STAU1: variants seen among roughly 807,000 people sequenced by gnomAD.
STAU1 encodes the protein staufen double-stranded RNA binding protein 1, also known as double-stranded RNA-binding protein Staufen homolog 1.
A neutral mutation model predicts 62.9 loss-of-function variants in STAU1; 13 were observed. The ratio of observed to expected loss-of-function variants is 0.21; its 90% CI spans 0.13 to 0.33. The LOEUF (loss-of-function observed/expected upper bound fraction) is 0.33. STAU1 is among the 10% of genes least tolerant of loss of function. The pLI, the probability that STAU1 is intolerant of heterozygous loss-of-function variation, is 1.00. For synonymous variants in STAU1, 269 were observed against 265.1 expected, an observed-to-expected ratio of 1.01 and a Z score of -0.14; for missense variants, 571 against 712.1, an observed-to-expected ratio of 0.80 and a Z score of 2.25.
intron 2 of STAU1, among the ~76,000 whole-genome samples, chr20:49,167,049 G>C (rs559659800): frequency 1.3e-5 from 2 of 152,262 alleles, no homozygotes; most frequent in South Asian, 2.1e-4. Flanking sequence ...TGGTGTGGTT[G>C]GGTGGGGGAG....
At chr20:49,130,476 C>G (rs890920908) in intron 6 of STAU1, among the ~76,000 whole-genome samples, 1 of 152,092 alleles carries the variant, frequency 6.6e-6, no homozygotes, top group Non-Finnish European at 1.5e-5. Context: ...AGCCTGACCA[C>G]CCCTTCATCC....
At chr20:49,214,540 C>G in the STAU1 span, among the ~76,000 whole-genome samples, 2 of 143,140 alleles carry the variant, frequency 1.4e-5, no homozygotes, top group South Asian at 2.2e-4. Context: ...AAAACAATAA[C>G]AAGAAGAAGA....
At chr20:49,153,578 G>T (rs1342966664) in intron 4 of STAU1, among the ~76,000 whole-genome samples, 2 of 151,132 alleles carry the variant, frequency 1.3e-5, no homozygotes, top group African/African-American at 4.9e-5. Flanking sequence ...AGGCGTGGTG[G>T]CAGGTGCCTG....
chr20:49,194,445 A>G, the STAU1 span, among the ~76,000 whole-genome samples: 64 of 146,276 alleles, frequency 4.4e-4, no homozygotes, highest in East Asian at 2.6e-3. Flanking sequence ...AAAAAAAAAA[A>G]AAGAAAAGAA....
chr20:49,123,291 C>A, intron 7 of STAU1, 56 bp from the exon 8 acceptor site: 2 of 1,612,676 alleles, frequency 1.2e-6, no homozygotes, highest in South Asian at 2.2e-5. Context: ...TGAACTTGGT[C>A]AACTCAGAGA....
rs112718177 is a variant in STAU1, at chr20:49,115,730, CG to C, written c.1718+51del. The C allele has an allele frequency of 2.7e-3, 3,966 of 1,478,218 alleles. 95 individuals carry two copies. The African/African-American group carries it at 0.048, about 18-fold the overall frequency. The allele number at this position is 1,478,218 out of a possible 1,614,324, so 91.6% of individuals were successfully genotyped here. A position where few individuals can be genotyped will look rare whatever the true frequency, so the allele number is the denominator to read the frequency against. On this transcript the variant is annotated intron_variant, in intron 13 of 13. Transcript: ENST00000371856. ...GCAGATAGTGTAAACTCAACACAAA[CG>C]AGGGGCAGCCTCCCCATCATCAGCG...
chr20:49,163,674 C>T (rs1164961904), intron 3 of STAU1, among the ~76,000 whole-genome samples: 1 of 152,206 alleles, frequency 6.6e-6, no homozygotes, highest in Non-Finnish European at 1.5e-5. Flanking sequence ...GATCCACCTG[C>T]CTTGGCCTCC....
rs771366074 is a variant in STAU1 at position 49,151,741 on chromosome 20, A to G, written c.351T>C (p.Phe117=). Residue 117 remains phenylalanine, a synonymous_variant, in exon 5 of 14, where the codon TTT becomes TTC. Coordinates refer to ENST00000371856, the MANE Select transcript of STAU1 (RefSeq NM_017453.4). The part of the protein sequence containing the change: ...MRGGAYPPRY[F]YPFPVPPLLY... ...GTAAAGGTGGAACTGGAAATGGGTA[A>G]AAGTACCTAGAAATAAAAGGAGGTT... 4 of 1,608,786 alleles carry G rather than the reference A, an allele frequency of 2.5e-6. No homozygotes were observed. In the Admixed American group the frequency reaches 6.9e-5, roughly 28 times the overall value.
the STAU1 span, among the ~76,000 whole-genome samples, chr20:49,217,826 G>A: frequency 3.3e-5 from 5 of 150,500 alleles, no homozygotes; most frequent in Admixed American, 6.6e-5. Context: ...TCACCTGGGC[G>A]ACAGAGTGAG....
intron 5 of STAU1, among the ~76,000 whole-genome samples, chr20:49,143,212 T>A (rs1433595595): frequency 6.6e-6 from 1 of 152,212 alleles, no homozygotes; most frequent in Non-Finnish European, 1.5e-5. Context: ...GAAGGTTTAG[T>A]GGGCACTTAG....
chr20:49,219,238 A>G, the STAU1 span: 2 of 1,087,758 alleles, frequency 1.8e-6, no homozygotes, highest in African/African-American at 3.2e-5. Context: ...TTGCTTACCT[A>G]AAAAGCTCCG....
Position 49,123,234 on chromosome 20 carries a change from G to A in STAU1, c.824C>T (p.Pro275Leu). The A allele has an allele frequency of 2.5e-6, 4 of 1,614,156 alleles. No individual in the cohort carries two copies. The highest frequency in any genetic ancestry group is 3.4e-6 in the Non-Finnish European group (4 of 1,180,028). The change falls in exon 8 of 14, where the codon CCA becomes CTA. Residue 275 changes from proline (P) to leucine (L), a missense_variant and splice_region_variant. Transcript: ENST00000371856. ...CTGGCCATATTCTGGGCTTGTCTGT[G>A]GCTGAGGAACAAACAAGGCAGAAAC... is the stretch of plus-strand genomic sequence containing the variant. ...IKKKTKPIVKPQTSPEYGQGI... is the reference protein window; with the variant it reads ...IKKKTKPIVKLQTSPEYGQGI...
chr20:49,116,031 C>T lies in STAU1; in HGVS notation c.1633-164G>A, dbSNP rs1286466227. On this transcript the variant is annotated intron_variant, in intron 12 of 13. Transcript: ENST00000371856. ...AACTTTGAATTTTTAATTTAAAATA[C>T]AAATTAAAAAATATTCAGTTACCTC... 2.0e-5 allele frequency among the ~76,000 whole-genome samples: 3 copies of T among 152,226 alleles called. No homozygotes were observed. The South Asian group carries it at 6.2e-4, about 32-fold the overall frequency.
At chr20:49,182,827 A>C (rs2093742359) in intron 1 of STAU1, among the ~76,000 whole-genome samples, 1 of 150,526 alleles carries the variant, frequency 6.6e-6, no homozygotes, top group Non-Finnish European at 1.5e-5. Context: ...TAACAGAGCC[A>C]GACTCCGTCT....
chr20:49,175,792 T>C (rs2093652550), intron 1 of STAU1, among the ~76,000 whole-genome samples: 1 of 90,114 alleles, frequency 1.1e-5, no homozygotes, highest in Middle Eastern at 7.8e-3. Context: ...CCCAACCTCA[T>C]AATGCCTTTT....
chr20:49,143,586 C>G (rs1241234068), intron 5 of STAU1, among the ~76,000 whole-genome samples: 1 of 152,138 alleles, frequency 6.6e-6, no homozygotes, highest in East Asian at 1.9e-4. Flanking sequence ...GAGGAAGACC[C>G]TATTTCAAAA....
the STAU1 span, among the ~76,000 whole-genome samples, chr20:49,201,711 CA>C: frequency 2.8e-5 from 4 of 142,602 alleles, no homozygotes; most frequent in Non-Finnish European, 6.0e-5. Flanking sequence ...CACTGCACTC[CA>C]GCCTGGGTGA....
chr20:49,198,729 C>T, the STAU1 span, among the ~76,000 whole-genome samples: 6 of 151,868 alleles, frequency 4.0e-5, no homozygotes, highest in Admixed American at 6.6e-5. Flanking sequence ...TTTGGGAGGC[C>T]GAGGCGGGCA....
At chr20:49,203,004 T>C in the STAU1 span, among the ~76,000 whole-genome samples, 40,726 of 151,928 alleles carry the variant, frequency 0.27, 6,278 homozygotes, top group East Asian at 0.53. Context: ...ATCACACCAC[T>C]GCACTCCAGC....
Sources: gnomAD v4.1 joint callset for allele counts (sites outside exome capture counted in the v4.1 genomes callset) on GRCh38, gnomAD v4.1.1 for gene constraint, MANE v1.5 for transcripts, NCBI Gene and HGNC (gene_info 2026-07-23, HGNC 2026-07-21) for gene names.